Variants in RHD observed in about 807,000 individuals in gnomAD.
The protein encoded by RHD is blood group Rh(D) polypeptide.
Under a neutral mutation model 45.5 loss-of-function variants are expected in RHD, and 16 were observed. The observed-to-expected ratio is 0.35, with a 90% confidence interval of 0.24 to 0.53. RHD has a LOEUF of 0.53. Among genes scored for constraint, RHD ranks in the 20% least tolerant of loss-of-function variants. The probability of loss-of-function intolerance (pLI) is 0.92; values close to 1 mark genes in which losing one functional copy is unlikely to be tolerated. For synonymous variants in RHD, 131 were observed against 217.5 expected (o/e 0.60, Z 3.50); for missense variants, 306 against 532.0 (o/e 0.58, Z 4.18).
chr1:25,311,773 A>T (rs1412931079), intron 7 of RHD, among the ~76,000 whole-genome samples: 3 of 131,026 alleles, frequency 2.3e-5, no homozygotes, highest in Admixed American at 2.2e-4. Flanking sequence ...GCTGTGGTTC[A>T]GGTGGCCACA....
intron 1 of RHD, among the ~76,000 whole-genome samples, chr1:25,276,791 G>A (rs1157125681): frequency 7.5e-6 from 1 of 132,522 alleles, no homozygotes; most frequent in Admixed American, 7.3e-5. Flanking sequence ...TAAAGGCTGG[G>A]TGTAGTGGCT....
rs1388745324 is a variant in RHD at position 25,287,466 on chromosome 1, C to T, written c.335+2707C>T. 3.7e-5 allele frequency among the ~76,000 whole-genome samples: 5 copies of T among 135,272 alleles called. No homozygotes were observed. In the East Asian group the frequency reaches 9.7e-4, roughly 26 times the overall value. 88.7% of individuals were successfully genotyped at this position (135,272 alleles called of 152,430 possible). On this transcript the variant is annotated intron_variant, in intron 2 of 9. Coordinates refer to ENST00000328664, the MANE Select transcript of RHD (RefSeq NM_016124.6). Reference sequence around the variant, plus strand: ...GACCCCTGCTGAAACTGGCTCCTTCCTGACCGGTTCCCGTCAGGGCTGTGC... The same window carrying T: ...GACCCCTGCTGAAACTGGCTCCTTCTTGACCGGTTCCCGTCAGGGCTGTGC...
intron 7 of RHD, among the ~76,000 whole-genome samples, chr1:25,312,456 G>A (rs1236765786): frequency 1.6e-5 from 2 of 125,242 alleles, no homozygotes; most frequent in Admixed American, 1.6e-4. Context: ...TTAAGACTTT[G>A]GGGGTTGTCT....
intron 5 of RHD, among the ~76,000 whole-genome samples, chr1:25,302,484 T>C (rs1643465061): frequency 1.5e-5 from 2 of 129,244 alleles, no homozygotes; most frequent in Admixed American, 7.5e-5. Context: ...ATGAGTTCCA[T>C]GGTGACAGAA....
In RHD at chr1:25,299,489, A is replaced by C. The variant is rs574901504; in HGVS notation, c.487-1457A>C. 1.5e-5 allele frequency among the ~76,000 whole-genome samples: 2 copies of C among 131,848 alleles called. 1 individual carries two copies. Among genetic ancestry groups the C allele is most frequent in the Non-Finnish European group, 3.6e-5 (2 of 55,820 alleles). 86.5% of individuals were successfully genotyped at this position (131,848 alleles called of 152,430 possible). ...CAAGGCACCCCGATTGCTTGCACCCAGGGTGGACTACTCCCTCCACCCTGC... is the reference window on the plus strand; with the variant it reads ...CAAGGCACCCCGATTGCTTGCACCCCGGGTGGACTACTCCCTCCACCCTGC... On this transcript the variant is annotated intron_variant, in intron 3 of 9. Coordinates refer to ENST00000328664, the MANE Select transcript of RHD (RefSeq NM_016124.6).
Position 25,276,267 on chromosome 1 carries a change from T to C in RHD, c.148+3572T>C, listed in dbSNP as rs1278217300. Among the ~76,000 whole-genome samples the C allele has an allele frequency of 1.3e-4, 17 of 130,352 alleles. 2 individuals are homozygous for C. Among genetic ancestry groups the C allele is most frequent in the African/African-American group, 4.5e-4 (17 of 38,014 alleles). The allele number at this position is 130,352 out of a possible 152,430, so 85.5% of individuals were successfully genotyped here. A position where few individuals can be genotyped will look rare whatever the true frequency, so the allele number is the denominator to read the frequency against. On this transcript the variant is annotated intron_variant, in intron 1 of 9. Transcript: ENST00000328664. ...TGGCATGATATCTGGGGTTTGCTTT[T>C]ATGCCAGAAAAAAGAAAAAGTACAG...
At position 25,307,742 on chromosome 1, in the gene RHD, C is replaced by T. The variant is rs547427205; in HGVS notation, c.1073+1013C>T. The T allele has an allele frequency of 6.1e-6, 8 of 1,306,224 alleles. 2 individuals carry two copies. Among genetic ancestry groups the T allele is most frequent in the East Asian group, 4.9e-5 (2 of 40,672 alleles). 80.9% of individuals were successfully genotyped at this position (1,306,224 alleles called of 1,614,324 possible). On this transcript the variant is annotated intron_variant, in intron 7 of 9. Coordinates refer to ENST00000328664, the MANE Select transcript of RHD (RefSeq NM_016124.6). ...TCTCAGAGAAATCATGGAGGCGCTG[C>T]GGTTCCTACCGGTTCTTGGATGCCT...
chr1:25,298,999 C>A (rs771460007), intron 3 of RHD, among the ~76,000 whole-genome samples: 1 of 117,764 alleles, frequency 8.5e-6, no homozygotes, highest in Non-Finnish European at 1.9e-5. Flanking sequence ...CTGAGAACAG[C>A]GGCAGAACAA....
At chr1:25,313,811 T>C (rs950612759) in intron 7 of RHD, among the ~76,000 whole-genome samples, 1 of 132,340 alleles carries the variant, frequency 7.6e-6, no homozygotes, top group Non-Finnish European at 1.8e-5. Context: ...ATAATATGAG[T>C]TTCCTATGCC....
rs973920382 is a variant in RHD at position 25,302,997 on chromosome 1, C to T, written c.802-325C>T. Among the ~76,000 whole-genome samples, 5 of 130,296 alleles carry T rather than the reference C, an allele frequency of 3.8e-5. 1 individual carries two copies. Among genetic ancestry groups the T allele is most frequent in the Non-Finnish European group, 7.3e-5 (4 of 55,152 alleles). 85.5% of individuals were successfully genotyped at this position (130,296 alleles called of 152,430 possible). ...TGTCTCTAAAAAATAAAACAAAAACCCATTCTTCCCGCTGCCCAGGGACAC... is the reference window on the plus strand; with the variant it reads ...TGTCTCTAAAAAATAAAACAAAAACTCATTCTTCCCGCTGCCCAGGGACAC... On this transcript the variant is annotated intron_variant, in intron 5 of 9. Transcript: ENST00000328664.
Position 25,303,459 on chromosome 1 carries a change from G to A in RHD, c.939G>A (p.Pro313=), listed in dbSNP as rs200162404. ...LISVGGAKYL[P]GCCNRVLGIP... ...CCGTCGGGGGAGCCAAGTACCTGCC[G>A]GTAAGAAACTAGACAACTAACCTCC... The change falls in exon 6 of 10, where the codon CCG becomes CCA. Residue 313 remains proline (P), a splice_region_variant and synonymous_variant. Coordinates refer to ENST00000328664, the MANE Select transcript of RHD (RefSeq NM_016124.6). 1.6e-5 allele frequency: 22 copies of A among 1,378,732 alleles called. 5 individuals are homozygous for A. Among genetic ancestry groups the A allele is most frequent in the African/African-American group, 5.7e-5 (4 of 70,230 alleles). 85.4% of individuals were successfully genotyped at this position (1,378,732 alleles called of 1,614,324 possible). A position where few individuals can be genotyped will look rare whatever the true frequency, so the allele number is the denominator to read the frequency against.
At position 25,280,854 on chromosome 1, in the gene RHD, TC is replaced by T. The variant is rs1324010620; in HGVS notation, c.149-3716del. Among the ~76,000 whole-genome samples the T allele has an allele frequency of 7.6e-5, 10 of 131,522 alleles. No homozygotes were observed. In the East Asian group the frequency reaches 2.0e-3, roughly 26 times the overall value. 86.3% of individuals were successfully genotyped at this position (131,522 alleles called of 152,430 possible). A position where few individuals can be genotyped will look rare whatever the true frequency, so the allele number is the denominator to read the frequency against. ...TTGAACTCCTCAGCTCAAGCAATCC[TC>T]CCTCCTTGGCCTCCCAAAGTGCTGG... is the stretch of plus-strand genomic sequence containing the variant. On this transcript the variant is annotated intron_variant, in intron 1 of 9. Transcript: ENST00000328664.
Position 25,308,228 on chromosome 1 carries a change from T to C in RHD, c.1073+1499T>C, listed in dbSNP as rs1034747783. On this transcript the variant is annotated intron_variant, in intron 7 of 9. Coordinates refer to ENST00000328664, the MANE Select transcript of RHD (RefSeq NM_016124.6). ...GTAACACTGTGTGGCTAAATTCTGC[T>C]TGTGGGCTGCCTAGATTCCCAATTC... Among the ~76,000 whole-genome samples the C allele has an allele frequency of 6.1e-5, 7 of 115,008 alleles. 2 individuals are homozygous for C. The highest frequency in any genetic ancestry group is 8.7e-3 in the Middle Eastern group (2 of 230). The allele number at this position is 115,008 out of a possible 152,430, so 75.4% of individuals were successfully genotyped here.
chr1:25,296,658 G>A (rs1265308733), intron 3 of RHD, among the ~76,000 whole-genome samples: 2 of 131,268 alleles, frequency 1.5e-5, no homozygotes, highest in Non-Finnish European at 3.6e-5. Flanking sequence ...GATCACAGGG[G>A]TGGTTTCCCC....
In RHD at chr1:25,329,254, T is replaced by TTTC; in HGVS notation, c.*332_*333insCTT. On this transcript the variant is annotated 3_prime_UTR_variant, in exon 10 of 10. Transcript: ENST00000328664. ...TATTCCTTGTTTTTTTTTTTTTTTT[T>TTTC]TTTTTTTTGAGATGTAGTCTTACTC... 1 of 653,096 alleles carries TTTC rather than the reference T, an allele frequency of 1.5e-6. No individual in the cohort carries two copies. The highest frequency in any genetic ancestry group is 3.3e-5 in the Admixed American group (1 of 30,756). The allele number at this position is 653,096 out of a possible 1,614,324, so 40.5% of individuals were successfully genotyped here. A position where few individuals can be genotyped will look rare whatever the true frequency, so the allele number is the denominator to read the frequency against.
intron 2 of RHD, among the ~76,000 whole-genome samples, chr1:25,288,994 C>T (rs1215598393): frequency 1.5e-5 from 2 of 134,064 alleles, no homozygotes; most frequent in South Asian, 2.3e-4. Context: ...GAGGCTTAAG[C>T]GGGCATAGTC....
At position 25,314,639 on chromosome 1, in the gene RHD, G is replaced by A. The variant is rs183974640; in HGVS notation, c.1074-2361G>A. ...CTCCTGAGTAGCTTAGATTACAGGC[G>A]CATGCCACCATGCCCAGCTAACTTC... On this transcript the variant is annotated intron_variant, in intron 7 of 9. Transcript: ENST00000328664. 1.3e-3 allele frequency among the ~76,000 whole-genome samples: 171 copies of A among 132,122 alleles called. 26 individuals carry two copies. Among genetic ancestry groups the A allele is most frequent in the African/African-American group, 4.0e-3 (155 of 38,940 alleles). 86.7% of individuals were successfully genotyped at this position (132,122 alleles called of 152,430 possible). A position where few individuals can be genotyped will look rare whatever the true frequency, so the allele number is the denominator to read the frequency against.
chr1:25,308,317 T>C (rs2518074), intron 7 of RHD, among the ~76,000 whole-genome samples: 99,728 of 107,486 alleles, frequency 0.93, 47,538 homozygotes, highest in Non-Finnish European at 1. Context: ...TGGAAACTTG[T>C]TAGAAATGCA....
chr1:25,296,184 T>A (rs1642940486), intron 3 of RHD, among the ~76,000 whole-genome samples: 1 of 122,726 alleles, frequency 8.1e-6, no homozygotes, highest in East Asian at 2.0e-4. Context: ...ATTTATTAAT[T>A]TTTGGTTGTC....
Sources: allele counts gnomAD v4.1 joint callset (sites outside exome capture counted in the v4.1 genomes callset), GRCh38; gene constraint gnomAD v4.1.1; transcripts MANE v1.5; gene names NCBI Gene and HGNC (gene_info 2026-07-23, HGNC 2026-07-21).